GMPR: variants seen among roughly 807,000 people sequenced by gnomAD.
GMPR encodes the protein guanosine monophosphate reductase.
Under a neutral mutation model 38.4 loss-of-function variants are expected in GMPR, and 31 were observed. The ratio of observed to expected loss-of-function variants is 0.81; its 90% CI spans 0.61 to 1.09. The LOEUF is 1.09. Ranked by LOEUF, GMPR falls within the 50% of genes least tolerant of loss-of-function variation. The pLI is 0.00. For synonymous variants in GMPR, 162 were observed against 173.3 expected, an observed-to-expected ratio of 0.93 and a Z score of 0.51; for missense variants, 468 against 453.7, an observed-to-expected ratio of 1.03 and a Z score of -0.29.
intron 4 of GMPR, among the ~76,000 whole-genome samples, chr6:16,256,380 A>C (rs1040797590): frequency 1.3e-5 from 2 of 150,458 alleles, no homozygotes; most frequent in Non-Finnish European, 3.0e-5. Context: ...AAATAGAAAA[A>C]TTAGCCAGGC....
intron 4 of GMPR, among the ~76,000 whole-genome samples, chr6:16,263,853 G>C (rs1759137292): frequency 6.6e-6 from 1 of 151,718 alleles, no homozygotes; most frequent in Non-Finnish European, 1.5e-5. Context: ...AGAAATAAGG[G>C]ATTGGGGCAC....
chr6:16,266,295 T>C (rs997953845), intron 4 of GMPR, among the ~76,000 whole-genome samples: 2 of 151,162 alleles, frequency 1.3e-5, no homozygotes, highest in Non-Finnish European at 1.5e-5. Flanking sequence ...CTGAAGTCAG[T>C]GTAGACCATG....
intron 4 of GMPR, among the ~76,000 whole-genome samples, chr6:16,265,858 C>G (rs1759191623): frequency 6.6e-6 from 1 of 152,242 alleles, no homozygotes; most frequent in Non-Finnish European, 1.5e-5. Context: ...CTGCTGCTCG[C>G]TCTTTGGGTC....
chr6:16,290,491 G>C lies in GMPR; in HGVS notation c.727G>C (p.Gly243Arg), dbSNP rs758681948. ...TGGAGCAGATTTTGTCATGCTGGGA[G>C]GAATGTTTTCGGGTCATACGGAGTG... ...GAGADFVMLG[G>R]MFSGHTECAG... The change falls in exon 8 of 9, where the codon GGA (glycine) becomes CGA (arginine). Residue 243 changes from glycine to arginine, a missense_variant. By Grantham distance (125) the Gly-to-Arg change is moderately radical. Coordinates refer to ENST00000259727, the MANE Select transcript of GMPR (RefSeq NM_006877.4). The C allele has an allele frequency of 8.1e-6, 13 of 1,614,052 alleles. No homozygotes were observed. Among genetic ancestry groups the C allele is most frequent in the African/African-American group, 1.3e-5 (1 of 74,932 alleles).
intron 4 of GMPR, among the ~76,000 whole-genome samples, chr6:16,272,931 G>T (rs1759410700): frequency 6.6e-6 from 1 of 152,110 alleles, no homozygotes; most frequent in South Asian, 2.1e-4. Context: ...CCCAAGTGCT[G>T]TGGTTATAGG....
At chr6:16,242,294 G>A (rs1160905545) in intron 1 of GMPR, among the ~76,000 whole-genome samples, 1 of 151,522 alleles carries the variant, frequency 6.6e-6, no homozygotes, top group East Asian at 1.9e-4. Context: ...CTGGGAGGAA[G>A]GATACCTGTG....
At chr6:16,239,479 C>G (rs796600357) in intron 1 of GMPR, among the ~76,000 whole-genome samples, 2 of 152,170 alleles carry the variant, frequency 1.3e-5, no homozygotes, top group Non-Finnish European at 2.9e-5. Context: ...GGAGACCGGA[C>G]TGGAAATAGC....
At chr6:16,265,111 ACTT>A (rs1017758140) in intron 4 of GMPR, among the ~76,000 whole-genome samples, 39 of 152,270 alleles carry the variant, frequency 2.6e-4, no homozygotes, top group African/African-American at 8.9e-4. Flanking sequence ...CAGACTAGGC[ACTT>A]CTTTGTTAAA....
At chr6:16,281,645 C>T (rs1018585168) in intron 6 of GMPR, among the ~76,000 whole-genome samples, 3 of 151,484 alleles carry the variant, frequency 2.0e-5, no homozygotes, top group Non-Finnish European at 2.9e-5. Context: ...GCTGGGATTA[C>T]AGGCACGCGC....
intron 4 of GMPR, among the ~76,000 whole-genome samples, chr6:16,271,254 G>A (rs1759379541): frequency 6.6e-6 from 1 of 152,178 alleles, no homozygotes; most frequent in Non-Finnish European, 1.5e-5. Context: ...GGGAGGCTGA[G>A]GCAGGCAGAT....
Position 16,290,602 on chromosome 6 carries a change from G to A in GMPR, c.838G>A (p.Gly280Arg). 6.2e-7 allele frequency: 1 copy of A among 1,614,180 alleles called. No individual in the cohort carries two copies. The highest frequency in any genetic ancestry group is 8.5e-7 in the Non-Finnish European group (1 of 1,180,036). The change falls in exon 8 of 9, where the codon GGA becomes AGA. Residue 280 changes from glycine to arginine, a missense_variant. Transcript: ENST00000259727. ...SSDTAMNKHA[G>R]GVAEYRASEG... ...TGACACCGCCATGAACAAGCACGCA[G>A]GAGGAGTTGCTGAGTACAGGTGAGG...
chr6:16,252,804 G>C (rs2113673661), intron 3 of GMPR, among the ~76,000 whole-genome samples: 1 of 152,206 alleles, frequency 6.6e-6, no homozygotes, highest in East Asian at 1.9e-4. Flanking sequence ...GATTGGGCTG[G>C]CACAGGGCAG....
intron 4 of GMPR, among the ~76,000 whole-genome samples, chr6:16,265,836 T>G (rs936878903): frequency 2.4e-4 from 36 of 151,676 alleles, no homozygotes; most frequent in Non-Finnish European, 4.4e-5. Context: ...GGAGGTTTTC[T>G]TCGTTCGCTT....
At chr6:16,278,500 C>T (rs1759518362) in intron 5 of GMPR, among the ~76,000 whole-genome samples, 1 of 152,130 alleles carries the variant, frequency 6.6e-6, no homozygotes, top group Admixed American at 6.5e-5. Context: ...GAGCCAGTGC[C>T]ACAGGGAGGA....
intron 1 of GMPR, among the ~76,000 whole-genome samples, chr6:16,245,329 A>T (rs967974373): frequency 6.6e-6 from 1 of 152,154 alleles, no homozygotes; most frequent in Non-Finnish European, 1.5e-5. Context: ...TCTGGACACA[A>T]AACCCGGTGT....
At chr6:16,270,443 C>A (rs1249932229) in intron 4 of GMPR, among the ~76,000 whole-genome samples, 1 of 152,190 alleles carries the variant, frequency 6.6e-6, no homozygotes, top group Non-Finnish European at 1.5e-5. Context: ...GCTCCACACC[C>A]AAGGTGCTTC....
intron 4 of GMPR, among the ~76,000 whole-genome samples, chr6:16,271,855 G>T (rs1447950973): frequency 6.6e-6 from 1 of 151,932 alleles, no homozygotes; most frequent in Non-Finnish European, 1.5e-5. Flanking sequence ...TAACAAAATT[G>T]AGATCTTTCT....
chr6:16,261,657 A>G (rs1044733974), intron 4 of GMPR, among the ~76,000 whole-genome samples: 4 of 152,036 alleles, frequency 2.6e-5, no homozygotes, highest in Non-Finnish European at 4.4e-5. Context: ...AGGAGAGTTT[A>G]TAGGCTTTAA....
intron 4 of GMPR, among the ~76,000 whole-genome samples, chr6:16,269,897 G>A (rs9477075): frequency 0.14 from 20,605 of 152,194 alleles, 1,474 homozygotes; most frequent in South Asian, 0.17. Flanking sequence ...GGTGAGGGCC[G>A]GCTTCCTGGC....
Sources: gnomAD v4.1 joint callset for allele counts (sites outside exome capture counted in the v4.1 genomes callset) on GRCh38, gnomAD v4.1.1 for gene constraint, MANE v1.5 for transcripts, NCBI Gene and HGNC (gene_info 2026-07-23, HGNC 2026-07-21) for gene names.